The following CRB1 variants were observed in gnomAD, a reference collection of about 807,000 sequenced individuals.
CRB1 encodes protein crumbs homolog 1.
CRB1 carries 83 observed loss-of-function variants against 120.0 expected under a neutral mutation model. The observed-to-expected ratio is 0.69, with a 90% CI of 0.58 to 0.83. CRB1 has a LOEUF of 0.83. CRB1 is among the 40% of genes least tolerant of loss of function. The probability of loss-of-function intolerance (pLI) is 0.00; values close to 1 mark genes in which losing one functional copy is unlikely to be tolerated. For missense variants in CRB1, 1,699 were observed against 1,687.6 expected, an observed-to-expected ratio of 1.01 and a Z score of -0.12; for synonymous variants, 625 against 612.5, an observed-to-expected ratio of 1.02 and a Z score of -0.30.
At chr1:197,384,125 C>A (rs772962342) in intron 5 of CRB1, among the ~76,000 whole-genome samples, 1 of 152,198 alleles carries the variant, frequency 6.6e-6, no homozygotes, top group East Asian at 1.9e-4. Flanking sequence ...GCTTACCTCT[C>A]TACTTTCTGT....
chr1:197,379,699 T>C (rs1661847712), intron 5 of CRB1, among the ~76,000 whole-genome samples: 1 of 151,042 alleles, frequency 6.6e-6, no homozygotes, highest in African/African-American at 2.4e-5. Flanking sequence ...TTCCATATCA[T>C]AGACTATTTT....
the CRB1 span, among the ~76,000 whole-genome samples, chr1:197,224,661 A>G: frequency 6.6e-6 from 1 of 152,122 alleles, no homozygotes; most frequent in African/African-American, 2.4e-5. Context: ...GATACCATAT[A>G]TGACTTTCTT....
At chr1:197,458,472 T>C (rs1666381682) in intron 11 of CRB1, among the ~76,000 whole-genome samples, 1 of 152,146 alleles carries the variant, frequency 6.6e-6, no homozygotes, top group South Asian at 2.1e-4. Flanking sequence ...CTCCCACCTA[T>C]TCATTGCCAA....
chr1:197,417,540 A>C (rs918422978), intron 5 of CRB1, among the ~76,000 whole-genome samples: 1 of 152,220 alleles, frequency 6.6e-6, no homozygotes, highest in Non-Finnish European at 1.5e-5. Flanking sequence ...GTAAACCAAT[A>C]GCAAAGGGGT....
chr1:197,377,048 T>A (rs1053534587), intron 5 of CRB1, among the ~76,000 whole-genome samples: 1 of 152,114 alleles, frequency 6.6e-6, no homozygotes, highest in Non-Finnish European at 1.5e-5. Context: ...CTTTTAAATC[T>A]TTATTCAAAG....
chr1:197,410,804 T>C (rs1303018672), intron 5 of CRB1, among the ~76,000 whole-genome samples: 1 of 152,200 alleles, frequency 6.6e-6, no homozygotes, highest in Non-Finnish European at 1.5e-5. Context: ...TACCTTTTCT[T>C]AAATTTCGAT....
intron 5 of CRB1, among the ~76,000 whole-genome samples, chr1:197,359,235 C>T (rs759164840): frequency 3.9e-5 from 6 of 152,170 alleles, no homozygotes; most frequent in Non-Finnish European, 8.8e-5. Flanking sequence ...CCTTCCCTGC[C>T]TCCTCATCCC....
intron 4 of CRB1, among the ~76,000 whole-genome samples, chr1:197,350,327 T>G (rs1014406641): frequency 1.3e-5 from 2 of 152,112 alleles, no homozygotes; most frequent in Non-Finnish European, 1.5e-5. Flanking sequence ...ATACTTTACT[T>G]GTAGTATTAT....
chr1:197,246,229 G>A, the CRB1 span, among the ~76,000 whole-genome samples: 1 of 152,096 alleles, frequency 6.6e-6, no homozygotes, highest in Non-Finnish European at 1.5e-5. Flanking sequence ...TGCTGGCATA[G>A]GCAGAGGTGG....
rs67959340 is a variant in CRB1, at chr1:197,341,540, G to GAA, written c.653-2732_653-2731dup. Among the ~76,000 whole-genome samples the GAA allele has an allele frequency of 1.8e-4, 26 of 146,938 alleles. No individual in the cohort carries two copies. In the East Asian group the frequency reaches 3.4e-3, roughly 19 times the overall value. ...GTGAGATGAGTGAGACTCCATCTCA[G>GAA]AAAAAAAAAAGAAAAGGGTGATCTG... On this transcript the variant is annotated intron_variant, in intron 2 of 11. Coordinates refer to ENST00000367400, the MANE Select transcript of CRB1 (RefSeq NM_201253.3).
chr1:197,247,189 A>AT, the CRB1 span, among the ~76,000 whole-genome samples: 1 of 151,936 alleles, frequency 6.6e-6, no homozygotes, highest in African/African-American at 2.4e-5. Flanking sequence ...TTTACTCATA[A>AT]TTTTTTCTTC....
At chr1:197,294,150 T>C (rs994090329) in intron 1 of CRB1, among the ~76,000 whole-genome samples, 1 of 152,126 alleles carries the variant, frequency 6.6e-6, no homozygotes, top group Admixed American at 6.6e-5. Flanking sequence ...GAGAAAATTT[T>C]TGCAATCTGC....
intron 1 of CRB1, among the ~76,000 whole-genome samples, chr1:197,314,551 A>C (rs370592026): frequency 6.6e-6 from 1 of 152,066 alleles, no homozygotes; most frequent in South Asian, 2.1e-4. Context: ...TGTATATTGG[A>C]CATTCAGACG....
In CRB1 at chr1:197,478,082, C is replaced by A; in HGVS notation, c.*203C>A. Reference sequence around the variant, plus strand: ...TTTATTATATTATATCAGCCAATTGCAAAAAAAGTCTGTGCCAGTAATTTC... The same window carrying A: ...TTTATTATATTATATCAGCCAATTGAAAAAAAAGTCTGTGCCAGTAATTTC... On this transcript the variant is annotated 3_prime_UTR_variant, in exon 12 of 12. Transcript: ENST00000367400. 1.7e-6 allele frequency: 1 copy of A among 596,436 alleles called. No individual in the cohort carries two copies. Among genetic ancestry groups the A allele is most frequent in the Non-Finnish European group, 3.0e-6 (1 of 338,768 alleles). The allele number at this position is 596,436 out of a possible 1,614,324, so 36.9% of individuals were successfully genotyped here.
chr1:197,421,623 C>G lies in CRB1; in HGVS notation c.1795C>G (p.Leu599Val). ...ATGCATCGCGAAAGCTCCTACTCCA[C>G]TTGAAAGTGATCAATCAATATGTGC... ...EKCIAKAPTP[L>V]ESDQSICAFQ... The change falls in exon 6 of 12, where the codon CTT (leucine) becomes GTT (valine). Residue 599 changes from leucine (L) to valine (V), a missense_variant. Physicochemically the swap from Leu to Val is conservative, Grantham distance 32 (BLOSUM62 1). Coordinates refer to ENST00000367400, the MANE Select transcript of CRB1 (RefSeq NM_201253.3). The G allele has an allele frequency of 1.2e-6, 2 of 1,614,232 alleles. No homozygotes were observed. Among genetic ancestry groups the G allele is most frequent in the East Asian group, 4.5e-5 (2 of 44,890 alleles).
At chr1:197,263,760 C>T (rs1019061834), upstream of CRB1, among the ~76,000 whole-genome samples, 3 of 151,876 alleles carry the variant, frequency 2.0e-5, no homozygotes, top group African/African-American at 7.2e-5. Context: ...TCACCAACTC[C>T]TTATCTCACA....
intron 2 of CRB1, among the ~76,000 whole-genome samples, chr1:197,342,522 A>G (rs115264963): frequency 0.025 from 3,823 of 152,122 alleles, 180 homozygotes; most frequent in African/African-American, 0.088. Flanking sequence ...TTAGCTATAT[A>G]TTTGCTATTG....
At chr1:197,371,899 G>A (rs1661389498) in intron 5 of CRB1, among the ~76,000 whole-genome samples, 1 of 152,112 alleles carries the variant, frequency 6.6e-6, no homozygotes, top group Non-Finnish European at 1.5e-5. Flanking sequence ...AAATGGGCAG[G>A]TAAAGATCAG....
chr1:197,230,657 G>A, the CRB1 span, among the ~76,000 whole-genome samples: 5 of 152,140 alleles, frequency 3.3e-5, no homozygotes, highest in Admixed American at 1.3e-4. Flanking sequence ...CCAGTGGTAT[G>A]TGAAAGGAAG....
Sources: allele counts gnomAD v4.1 joint callset (sites outside exome capture counted in the v4.1 genomes callset), GRCh38; gene constraint gnomAD v4.1.1; transcripts MANE v1.5; gene names NCBI Gene and HGNC (gene_info 2026-07-23, HGNC 2026-07-21).